The following MARCHF11 variants were observed in gnomAD, a reference collection of about 807,000 sequenced individuals.
MARCHF11 encodes E3 ubiquitin-protein ligase MARCHF11.
In MARCHF11, 29 loss-of-function variants were observed where a neutral mutation model predicts 37.3. That is an observed-to-expected ratio of 0.78 (90% CI 0.58 to 1.06). MARCHF11 has a LOEUF of 1.06. Ranked by LOEUF, MARCHF11 falls within the 50% of genes least tolerant of loss-of-function variation. The pLI, the probability that MARCHF11 is intolerant of heterozygous loss-of-function variation, is 0.00. For synonymous variants in MARCHF11, 233 were observed against 228.0 expected (o/e 1.02, Z -0.20); for missense variants, 482 against 533.4 (o/e 0.90, Z 0.95).
At chr5:16,110,520 A>G (rs532648991) in intron 2 of MARCHF11, among the ~76,000 whole-genome samples, 1 of 152,230 alleles carries the variant, frequency 6.6e-6, no homozygotes, top group Non-Finnish European at 1.5e-5. Flanking sequence ...TAAAAAATGG[A>G]TATTTATTTG....
At chr5:16,104,756 G>C (rs368161401) in intron 2 of MARCHF11, among the ~76,000 whole-genome samples, 8 of 152,014 alleles carry the variant, frequency 5.3e-5, no homozygotes, top group African/African-American at 1.9e-4. Context: ...AAGGTTGTAG[G>C]CTGGCTAATG....
chr5:16,100,640 C>T (rs140798133), intron 2 of MARCHF11, among the ~76,000 whole-genome samples: 2,021 of 152,184 alleles, frequency 0.013, 30 homozygotes, highest in African/African-American at 0.045. Flanking sequence ...AAAACCCTTC[C>T]ATCAAAGGCT....
intron 2 of MARCHF11, among the ~76,000 whole-genome samples, chr5:16,135,148 G>T (rs1737587122): frequency 6.6e-6 from 1 of 152,110 alleles, no homozygotes; most frequent in South Asian, 2.1e-4. Context: ...ACAGCTTTGG[G>T]CCAGTTACTA....
intron 2 of MARCHF11, among the ~76,000 whole-genome samples, chr5:16,168,576 T>C (rs931040572): frequency 6.6e-6 from 1 of 152,156 alleles, no homozygotes; most frequent in African/African-American, 2.4e-5. Context: ...AATTTCTTTC[T>C]GCTTCCAGGG....
chr5:16,120,380 C>T (rs969306912), intron 2 of MARCHF11, among the ~76,000 whole-genome samples: 1 of 152,190 alleles, frequency 6.6e-6, no homozygotes, highest in Admixed American at 6.5e-5. Flanking sequence ...ACTTAGATTG[C>T]TACCATAGCC....
chr5:16,171,443 G>C (rs1314762464), intron 2 of MARCHF11, among the ~76,000 whole-genome samples: 2 of 152,108 alleles, frequency 1.3e-5, no homozygotes, highest in East Asian at 3.8e-4. Context: ...AAATGCAGCT[G>C]AGTGAACCCA....
intron 3 of MARCHF11, among the ~76,000 whole-genome samples, chr5:16,080,298 C>G (rs1736585969): frequency 6.6e-6 from 1 of 152,038 alleles, no homozygotes; most frequent in African/African-American, 2.4e-5. Context: ...CCTAGAAGTT[C>G]CCTCCTCCTC....
intron 2 of MARCHF11, among the ~76,000 whole-genome samples, chr5:16,102,875 C>G (rs1173573677): frequency 6.6e-6 from 1 of 152,200 alleles, no homozygotes; most frequent in African/African-American, 2.4e-5. Flanking sequence ...GCATGCTCCC[C>G]CTCTTGCAAG....
intron 3 of MARCHF11, among the ~76,000 whole-genome samples, chr5:16,084,074 T>C (rs1014425180): frequency 6.6e-6 from 1 of 152,176 alleles, no homozygotes; most frequent in East Asian, 1.9e-4. Context: ...TACGTGAAAC[T>C]TTTAGCTACT....
At chr5:16,177,647 A>C (rs1315098405) in intron 2 of MARCHF11, 79 bp downstream of exon 2, 10 of 1,205,874 alleles carry the variant, frequency 8.3e-6, no homozygotes, top group South Asian at 2.2e-5. Context: ...ATAAGTAAAT[A>C]TCCTTAGTAA....
At chr5:16,122,089 G>A (rs1737317352) in intron 2 of MARCHF11, among the ~76,000 whole-genome samples, 1 of 152,096 alleles carries the variant, frequency 6.6e-6, no homozygotes, top group African/African-American at 2.4e-5. Flanking sequence ...TTTACATGCA[G>A]GCAATTTGTC....
At chr5:16,089,436 G>A (rs188912804) in intron 3 of MARCHF11, among the ~76,000 whole-genome samples, 2 of 152,114 alleles carry the variant, frequency 1.3e-5, no homozygotes, top group African/African-American at 2.4e-5. Context: ...CACATTTCAT[G>A]CAAACTGTTC....
At chr5:16,117,478 G>T (rs111558501) in intron 2 of MARCHF11, among the ~76,000 whole-genome samples, 1,820 of 152,212 alleles carry the variant, frequency 0.012, 24 homozygotes, top group African/African-American at 0.021. Flanking sequence ...TACACCTCTG[G>T]AGAAAAACAG....
chr5:16,072,770 G>A (rs1423103960), intron 3 of MARCHF11, among the ~76,000 whole-genome samples: 10 of 152,218 alleles, frequency 6.6e-5, no homozygotes, highest in African/African-American at 9.6e-5. Context: ...TGGGAGGGCT[G>A]GGGGTGAGTG....
chr5:16,110,980 G>A (rs1456409463), intron 2 of MARCHF11, among the ~76,000 whole-genome samples: 2 of 152,174 alleles, frequency 1.3e-5, no homozygotes, highest in African/African-American at 4.8e-5. Flanking sequence ...TTTATAAGGG[G>A]AAATTCCTTT....
chr5:16,128,482 AC>A (rs1737457615), intron 2 of MARCHF11, among the ~76,000 whole-genome samples: 1 of 152,170 alleles, frequency 6.6e-6, no homozygotes, highest in African/African-American at 2.4e-5. Context: ...CACTGAGATA[AC>A]CCCTAGGGAT....
At chr5:16,125,708 C>T (rs1486427306) in intron 2 of MARCHF11, among the ~76,000 whole-genome samples, 2 of 151,186 alleles carry the variant, frequency 1.3e-5, no homozygotes, top group African/African-American at 4.9e-5. Flanking sequence ...ATCAAAGGGG[C>T]CCATGTCAAG....
chr5:16,107,790 A>G (rs999607053), intron 2 of MARCHF11, among the ~76,000 whole-genome samples: 3 of 152,050 alleles, frequency 2.0e-5, no homozygotes, highest in Admixed American at 1.3e-4. Flanking sequence ...ATGGCGTGGC[A>G]GAGAAACAGA....
intron 1 of MARCHF11, 71 bp from the exon 2 acceptor site, chr5:16,177,952 C>A: frequency 6.9e-7 from 1 of 1,448,568 alleles, no homozygotes; most frequent in African/African-American, 1.4e-5. Context: ...TGCTTCCTTT[C>A]TTTTCTTTCA....
Sources: gnomAD v4.1 joint callset for allele counts (sites outside exome capture counted in the v4.1 genomes callset) on GRCh38, gnomAD v4.1.1 for gene constraint, MANE v1.5 for transcripts, NCBI Gene and HGNC (gene_info 2026-07-23, HGNC 2026-07-21) for gene names.